The following NDFIP1 variants were observed in gnomAD, a reference collection of about 807,000 sequenced individuals.
NDFIP1 encodes NEDD4 family-interacting protein 1.
A neutral mutation model predicts 28.8 loss-of-function variants in NDFIP1; 7 were observed. The observed-to-expected ratio is 0.24, with a 90% CI of 0.14 to 0.46. The LOEUF (loss-of-function observed/expected upper bound fraction) is 0.46. NDFIP1 is among the 20% of genes least tolerant of loss of function. The pLI is 0.99. For missense variants in NDFIP1, 194 were observed against 269.1 expected (o/e 0.72, Z 1.95); for synonymous variants, 92 against 101.0 (o/e 0.91, Z 0.53).
chr5:142,144,101 A>G (rs1158636653), intron 6 of NDFIP1: 1 of 152,926 alleles, frequency 6.5e-6, no homozygotes, highest in African/African-American at 2.4e-5. Context: ...CTAGTGGACA[A>G]CATTATATAC....
chr5:142,134,401 C>T (rs7723666), intron 3 of NDFIP1, among the ~76,000 whole-genome samples: 102,317 of 152,114 alleles, frequency 0.67, 34,711 homozygotes, highest in African/African-American at 0.77. Flanking sequence ...TCTGCTGATA[C>T]GAAGTAAGAA....
At chr5:142,144,423 C>A in intron 6 of NDFIP1, 148 bp from the exon 7 acceptor site, 1 of 618,886 alleles carries the variant, frequency 1.6e-6, no homozygotes, top group Non-Finnish European at 2.9e-6. Context: ...GTATGAAAAT[C>A]CTCTGCAGAT....
chr5:142,114,483 A>C (rs1757046147), intron 1 of NDFIP1, among the ~76,000 whole-genome samples: 1 of 152,232 alleles, frequency 6.6e-6, no homozygotes, highest in African/African-American at 2.4e-5. Flanking sequence ...TGGAAATTTC[A>C]AACACATACA....
chr5:142,117,979 C>A (rs945949134), intron 1 of NDFIP1, among the ~76,000 whole-genome samples: 8 of 152,194 alleles, frequency 5.3e-5, no homozygotes, highest in African/African-American at 1.9e-4. Flanking sequence ...AGCGATCATT[C>A]CCCCACTGAC....
chr5:142,112,878 A>G (rs999406217), intron 1 of NDFIP1, among the ~76,000 whole-genome samples: 13 of 151,514 alleles, frequency 8.6e-5, no homozygotes, highest in African/African-American at 3.2e-4. Context: ...ACTGTCTCAG[A>G]CAGTATGGAA....
At chr5:142,135,028 G>GAGCA (rs914545412) in intron 3 of NDFIP1, among the ~76,000 whole-genome samples, 6 of 152,030 alleles carry the variant, frequency 3.9e-5, no homozygotes, top group Non-Finnish European at 7.4e-5. Context: ...GCCCAGGCTG[G>GAGCA]AGTGCAGTGG....
At chr5:142,130,631 C>T (rs1165883581) in intron 1 of NDFIP1, among the ~76,000 whole-genome samples, 1 of 151,384 alleles carries the variant, frequency 6.6e-6, no homozygotes, top group Non-Finnish European at 1.5e-5. Context: ...TAGCCAGGGT[C>T]ACAGTGTGCC....
At chr5:142,126,033 G>T (rs907281488) in intron 1 of NDFIP1, among the ~76,000 whole-genome samples, 4 of 152,124 alleles carry the variant, frequency 2.6e-5, no homozygotes, top group Admixed American at 6.6e-5. Context: ...ATTAGATAGA[G>T]AATTTTTCTT....
chr5:142,136,033 A>G (rs1323756495), intron 4 of NDFIP1, among the ~76,000 whole-genome samples: 1 of 152,230 alleles, frequency 6.6e-6, no homozygotes, highest in Non-Finnish European at 1.5e-5. Flanking sequence ...GGAAAATATA[A>G]TTAAAGCAGT....
chr5:142,134,690 A>G (rs1312333337), intron 3 of NDFIP1, among the ~76,000 whole-genome samples: 1 of 152,234 alleles, frequency 6.6e-6, no homozygotes, highest in Non-Finnish European at 1.5e-5. Context: ...TATATATTCA[A>G]TTATTTTTAA....
At chr5:142,110,941 GCCTCAAGGT>G (rs1323108259) in intron 1 of NDFIP1, among the ~76,000 whole-genome samples, 1 of 151,316 alleles carries the variant, frequency 6.6e-6, no homozygotes, top group Non-Finnish European at 1.5e-5. Context: ...TCAGTAACTT[GCCTCAAGGT>G]CACAGGCTGC....
chr5:142,151,795 C>T lies in NDFIP1; in HGVS notation c.*67C>T, dbSNP rs1414653427. 3 of 152,724 alleles carry T rather than the reference C, an allele frequency of 2.0e-5. No individual in the cohort carries two copies. Among genetic ancestry groups the T allele is most frequent in the Admixed American group, 2.0e-4 (3 of 15,280 alleles). 9.5% of individuals were successfully genotyped at this position (152,724 alleles called of 1,614,324 possible). On this transcript the variant is annotated 3_prime_UTR_variant, in exon 8 of 8. Transcript: ENST00000253814. ...CTCTCAAGAAGCAAGAGAACACCTG[C>T]AGGAAGTGAATCAAGATGCAGAACA...
At chr5:142,149,394 C>G (rs166079) in intron 7 of NDFIP1, among the ~76,000 whole-genome samples, 1 of 149,640 alleles carries the variant, frequency 6.7e-6, no homozygotes, top group Non-Finnish European at 1.5e-5. Context: ...AACTGGTTGT[C>G]TTCCTCTTGG....
chr5:142,134,248 G>A (rs1279771099), intron 3 of NDFIP1, among the ~76,000 whole-genome samples: 2 of 152,178 alleles, frequency 1.3e-5, no homozygotes, highest in Non-Finnish European at 2.9e-5. Context: ...ATGCATCATG[G>A]TAGAAGAGAT....
At position 142,153,442 on chromosome 5, in the gene NDFIP1, T is replaced by C. The variant is rs762920387; in HGVS notation, c.*1714T>C. 4.4e-6 allele frequency: 2 copies of C among 456,392 alleles called. No homozygotes were observed. The highest frequency in any genetic ancestry group is 8.8e-6 in the Non-Finnish European group (2 of 226,546). The allele number at this position is 456,392 out of a possible 1,614,324, so 28.3% of individuals were successfully genotyped here. A position where few individuals can be genotyped will look rare whatever the true frequency, so the allele number is the denominator to read the frequency against. On this transcript the variant is annotated 3_prime_UTR_variant, in exon 8 of 8. Coordinates refer to ENST00000253814, the MANE Select transcript of NDFIP1 (RefSeq NM_030571.4). ...TATCAGTATATAATGCACAGAAGTG[T>C]GGGTTGTTTGAAAGCCAAACAGGAA...
chr5:142,133,884 C>A (rs1300504523), intron 3 of NDFIP1: 3 of 152,138 alleles, frequency 2.0e-5, no homozygotes, highest in Admixed American at 1.3e-4. Flanking sequence ...CAGTGGGCAT[C>A]AAGAACTGAA....
chr5:142,120,862 T>A (rs1454519386), intron 1 of NDFIP1, among the ~76,000 whole-genome samples: 1 of 152,206 alleles, frequency 6.6e-6, no homozygotes, highest in East Asian at 1.9e-4. Context: ...TTGGCTCTCT[T>A]TGTTCTTGAA....
rs1403204203 is a variant in NDFIP1 at position 142,108,857 on chromosome 5, C to T, written c.-118C>T. 1.7e-5 allele frequency: 14 copies of T among 835,650 alleles called. No homozygotes were observed. In the South Asian group the frequency reaches 3.0e-4, roughly 18 times the overall value. The allele number at this position is 835,650 out of a possible 1,614,324, so 51.8% of individuals were successfully genotyped here. ...GCGTCTCGCCCGGGAGCGGCGGCGG[C>T]CATCGAGACCCACCCAAGGCGCGTC... On this transcript the variant is annotated 5_prime_UTR_variant, in exon 1 of 8. Coordinates refer to ENST00000253814, the MANE Select transcript of NDFIP1 (RefSeq NM_030571.4).
rs763728677 is a variant in NDFIP1 at position 142,131,800 on chromosome 5, T to G, written c.64-8T>G. On this transcript the variant is annotated splice_polypyrimidine_tract_variant and splice_region_variant and intron_variant, in intron 1 of 7. Coordinates refer to ENST00000253814, the MANE Select transcript of NDFIP1 (RefSeq NM_030571.4). ...ATGCTTACATTAAAATATGAAATTTTTATTTAGTTGCAGAATGAAGAAGAG... is the reference window on the plus strand; with the variant it reads ...ATGCTTACATTAAAATATGAAATTTGTATTTAGTTGCAGAATGAAGAAGAG... 3.8e-6 allele frequency: 6 copies of G among 1,562,494 alleles called. No homozygotes were observed. The highest frequency in any genetic ancestry group is 4.3e-6 in the Non-Finnish European group (5 of 1,161,634).
Sources: gnomAD v4.1 joint callset for allele counts (sites outside exome capture counted in the v4.1 genomes callset) on GRCh38, gnomAD v4.1.1 for gene constraint, MANE v1.5 for transcripts, NCBI Gene and HGNC (gene_info 2026-07-23, HGNC 2026-07-21) for gene names.